Variants in CPLX1 observed in about 807,000 individuals in gnomAD.
CPLX1 encodes complexin 1.
A neutral mutation model predicts 15.6 loss-of-function variants in CPLX1; 6 were observed. The ratio of observed to expected loss-of-function variants is 0.39; its 90% CI spans 0.21 to 0.76. The LOEUF (loss-of-function observed/expected upper bound fraction) is 0.76. Ranked by LOEUF, CPLX1 falls within the 30% of genes least tolerant of loss-of-function variation. The pLI is 0.43. For synonymous variants in CPLX1, 91 were observed against 75.2 expected, an observed-to-expected ratio of 1.21 and a Z score of -1.08; for missense variants, 242 against 188.6, an observed-to-expected ratio of 1.28 and a Z score of -1.66.
At chr4:801,678 A>C (rs1465257750) in intron 2 of CPLX1, among the ~76,000 whole-genome samples, 2 of 152,250 alleles carry the variant, frequency 1.3e-5, no homozygotes, top group African/African-American at 4.8e-5. Flanking sequence ...CTGGGTGTGC[A>C]ACAGTGCACT....
chr4:824,650 TG>T (rs1746940239), intron 1 of CPLX1, 49 bp from the exon 2 acceptor site: 1 of 1,009,356 alleles, frequency 9.9e-7, no homozygotes, highest in Non-Finnish European at 1.6e-6. Context: ...GGCCCCTGCC[TG>T]GCCTTCCCCA....
intron 2 of CPLX1, among the ~76,000 whole-genome samples, chr4:793,316 G>A (rs915593865): frequency 6.6e-6 from 1 of 151,638 alleles, no homozygotes; most frequent in African/African-American, 2.4e-5. Context: ...GCTGGCATGG[G>A]GGTTGGCAGG....
intron 2 of CPLX1, among the ~76,000 whole-genome samples, chr4:810,047 CTTT>C (rs34354609): frequency 3.3e-5 from 4 of 120,322 alleles, no homozygotes; most frequent in Non-Finnish European, 6.8e-5. Flanking sequence ...TCTGCACTTT[CTTT>C]TTTTTTTTTT....
chr4:802,948 C>T (rs1274837923), intron 2 of CPLX1, among the ~76,000 whole-genome samples: 2 of 126,948 alleles, frequency 1.6e-5, no homozygotes, highest in Non-Finnish European at 3.1e-5. Flanking sequence ...GAGACTCTGT[C>T]TCAAAAAAAA....
intron 3 of CPLX1, among the ~76,000 whole-genome samples, chr4:792,019 C>T (rs1410309795): frequency 6.6e-6 from 1 of 152,184 alleles, no homozygotes; most frequent in East Asian, 1.9e-4. Flanking sequence ...TGCTGGCAGC[C>T]ACTCTGGGCC....
At chr4:813,271 A>T (rs866130822) in intron 2 of CPLX1, among the ~76,000 whole-genome samples, 30 of 151,626 alleles carry the variant, frequency 2.0e-4, no homozygotes, top group Middle Eastern at 6.9e-3. Context: ...TCTCAAAAAA[A>T]AAAAAAAAAA....
At position 786,463 on chromosome 4, in the gene CPLX1, G is replaced by C; in HGVS notation, c.*38C>G. The stretch of plus-strand genomic sequence containing the variant: ...CCTCCGCGGAGGATCTGTAGGGGGA[G>C]GGGCGGGGGCTCCGCGGGGCCGCTG... On this transcript the variant is annotated 3_prime_UTR_variant, in exon 4 of 4. Coordinates refer to ENST00000304062, the MANE Select transcript of CPLX1 (RefSeq NM_006651.4). The C allele has an allele frequency of 1.3e-6, 2 of 1,512,660 alleles. No individual in the cohort carries two copies. The highest frequency in any genetic ancestry group is 8.9e-7 in the Non-Finnish European group (1 of 1,125,408). The allele number at this position is 1,512,660 out of a possible 1,614,324, so 93.7% of individuals were successfully genotyped here.
At chr4:800,372 C>T (rs533641895) in intron 2 of CPLX1, among the ~76,000 whole-genome samples, 49 of 152,226 alleles carry the variant, frequency 3.2e-4, no homozygotes, top group African/African-American at 1.2e-3. Context: ...CAGTGGCTCA[C>T]GCCTGTAATC....
Position 819,449 on chromosome 4 carries a change from C to T in CPLX1, c.31+5043G>A, listed in dbSNP as rs140713634. 3.7e-3 allele frequency among the ~76,000 whole-genome samples: 561 copies of T among 152,358 alleles called. 4 individuals are homozygous for T. The highest frequency in any genetic ancestry group is 0.013 in the African/African-American group (537 of 41,592). On this transcript the variant is annotated intron_variant, in intron 2 of 3. Coordinates refer to ENST00000304062, the MANE Select transcript of CPLX1 (RefSeq NM_006651.4). ...CCGAACCCAGCAAAGTGAGTGAGTG[C>T]TTTCTCGACCACACGGCGTTTGTGA... is the stretch of plus-strand genomic sequence containing the variant.
intron 2 of CPLX1, among the ~76,000 whole-genome samples, chr4:801,216 G>GGAGGCTGAGGCAGGAGAATTGCTT (rs1746452600): frequency 6.8e-6 from 1 of 146,250 alleles, no homozygotes; most frequent in Non-Finnish European, 1.5e-5. Flanking sequence ...CAGCTACTAG[G>GGAGGCTGAGGCAGGAGAATTGCTT]GAGGCTGAGG....
At chr4:797,925 G>A (rs554274618) in intron 2 of CPLX1, among the ~76,000 whole-genome samples, 43 of 151,670 alleles carry the variant, frequency 2.8e-4, no homozygotes, top group African/African-American at 6.0e-4. Context: ...GCGAGACTCC[G>A]TCTCAAAAAA....
At position 797,946 on chromosome 4, in the gene CPLX1, T is replaced by C. The variant is rs906737848; in HGVS notation, c.32-5338A>G. ...CTCCGTCTCAAAAAAACAAAAAGACTTACTATAATCAAGGCACTATGGTAT... is the reference window on the plus strand; with the variant it reads ...CTCCGTCTCAAAAAAACAAAAAGACCTACTATAATCAAGGCACTATGGTAT... On this transcript the variant is annotated intron_variant, in intron 2 of 3. Coordinates refer to ENST00000304062, the MANE Select transcript of CPLX1 (RefSeq NM_006651.4). Among the ~76,000 whole-genome samples, 4 of 145,010 alleles carry C rather than the reference T, an allele frequency of 2.8e-5. No individual in the cohort carries two copies. The South Asian group carries it at 8.8e-4, about 32-fold the overall frequency.
chr4:802,732 A>C (rs1746481404), intron 2 of CPLX1, among the ~76,000 whole-genome samples: 1 of 152,096 alleles, frequency 6.6e-6, no homozygotes, highest in Non-Finnish European at 1.5e-5. Flanking sequence ...GGAGGATCAA[A>C]AGGTCAGGAG....
At chr4:803,861 G>A (rs1003225300) in intron 2 of CPLX1, among the ~76,000 whole-genome samples, 1 of 151,942 alleles carries the variant, frequency 6.6e-6, no homozygotes, top group Admixed American at 6.6e-5. Flanking sequence ...GCAGAGATGG[G>A]GTTTCACCAT....
At chr4:791,608 G>A (rs958623085) in intron 3 of CPLX1, among the ~76,000 whole-genome samples, 5 of 152,180 alleles carry the variant, frequency 3.3e-5, no homozygotes, top group African/African-American at 7.2e-5. Context: ...GAGGGGTCCC[G>A]GGAGTCTGAA....
In CPLX1 at chr4:826,063, G is replaced by C. The variant is rs1746984953; in HGVS notation, c.-97C>G. On this transcript the variant is annotated 5_prime_UTR_variant, in exon 1 of 4. Transcript: ENST00000304062. ...GCGGTTACCTTCCCGGGGCGCGGGC[G>C]GTCAGCGGCGGGGCGCGCTCGGGCC... The C allele has an allele frequency of 1.4e-5, 2 of 143,836 alleles. No homozygotes were observed. The highest frequency in any genetic ancestry group is 3.0e-5 in the Non-Finnish European group (2 of 65,608). The allele number at this position is 143,836 out of a possible 1,614,324, so 8.9% of individuals were successfully genotyped here. A position where few individuals can be genotyped will look rare whatever the true frequency, so the allele number is the denominator to read the frequency against.
At chr4:810,044 TTTC>T (rs1338510244) in intron 2 of CPLX1, among the ~76,000 whole-genome samples, 1 of 142,322 alleles carries the variant, frequency 7.0e-6, no homozygotes, top group East Asian at 2.0e-4. Context: ...GGATCTGCAC[TTTC>T]TTTTTTTTTT....
intron 2 of CPLX1, among the ~76,000 whole-genome samples, chr4:809,655 C>T (rs1270662345): frequency 1.3e-5 from 2 of 152,166 alleles, no homozygotes; most frequent in Non-Finnish European, 2.9e-5. Context: ...ACTGACATAC[C>T]CTAAGTCTGT....
At chr4:792,256 G>A (rs1746199722) in intron 3 of CPLX1, among the ~76,000 whole-genome samples, 177 bp downstream of exon 3, 2 of 152,178 alleles carry the variant, frequency 1.3e-5, no homozygotes, top group African/African-American at 4.8e-5. Flanking sequence ...CCCACAGAGG[G>A]AGCCCAACCC....
Sources: allele counts gnomAD v4.1 joint callset (sites outside exome capture counted in the v4.1 genomes callset), GRCh38; gene constraint gnomAD v4.1.1; transcripts MANE v1.5; gene names NCBI Gene and HGNC (gene_info 2026-07-23, HGNC 2026-07-21).